Variants in ABCB11 observed in about 807,000 individuals in gnomAD.
ABCB11 encodes ATP binding cassette subfamily B member 11.
ABCB11 carries 95 observed loss-of-function variants against 148.0 expected under a neutral mutation model. The observed-to-expected ratio is 0.64, with a 90% confidence interval of 0.54 to 0.76. The LOEUF (loss-of-function observed/expected upper bound fraction) is 0.76, where lower values mean the gene tolerates loss of function less well. Ranked by LOEUF, ABCB11 falls within the 30% of genes least tolerant of loss-of-function variation. ABCB11 has a pLI of 0.00. For missense variants in ABCB11, 1,523 were observed against 1,617.8 expected (o/e 0.94, Z 1.01); for synonymous variants, 591 against 555.4 (o/e 1.06, Z -0.90).
intron 18 of ABCB11, among the ~76,000 whole-genome samples, chr2:168,962,698 TTCTC>T (rs1164775023): frequency 4.0e-5 from 6 of 151,758 alleles, no homozygotes; most frequent in African/African-American, 9.7e-5. Context: ...GTTTGGTTCT[TTCTC>T]CCCTGAAGCT....
At chr2:168,925,801 G>T (rs1050898043) in intron 26 of ABCB11, among the ~76,000 whole-genome samples, 2 of 151,806 alleles carry the variant, frequency 1.3e-5, no homozygotes, top group South Asian at 4.1e-4. Context: ...AGGGTGCCAC[G>T]GGCAAGTCTG....
At chr2:168,992,121 A>T (rs1339634722) in intron 8 of ABCB11, among the ~76,000 whole-genome samples, 3 of 150,210 alleles carry the variant, frequency 2.0e-5, no homozygotes, top group Non-Finnish European at 4.4e-5. Context: ...AGTTGCTTGT[A>T]TAGTTTGTTG....
intron 11 of ABCB11, among the ~76,000 whole-genome samples, chr2:168,979,474 T>C (rs1259786864): frequency 6.6e-6 from 1 of 152,080 alleles, no homozygotes; most frequent in Non-Finnish European, 1.5e-5. Flanking sequence ...TATTGTCTTA[T>C]CTTTGAATGT....
chr2:168,995,667 A>G (rs1020773423), intron 6 of ABCB11, among the ~76,000 whole-genome samples, 185 bp from the exon 7 acceptor site: 3 of 151,936 alleles, frequency 2.0e-5, no homozygotes, highest in Non-Finnish European at 4.4e-5. Flanking sequence ...GGTAAACAGA[A>G]CCTTCAGCAG....
chr2:168,984,279 G>T, intron 10 of ABCB11, among the ~76,000 whole-genome samples: 1 of 152,006 alleles, frequency 6.6e-6, no homozygotes, highest in East Asian at 1.9e-4. Context: ...CATTTACATG[G>T]TTACTTATTT....
chr2:168,947,150 C>T (rs1303841567), intron 19 of ABCB11, among the ~76,000 whole-genome samples: 3 of 151,698 alleles, frequency 2.0e-5, no homozygotes, highest in Non-Finnish European at 4.4e-5. Context: ...TTGCTATGTG[C>T]CACATGTCAA....
Position 168,979,904 on chromosome 2 carries a change from GT to G in ABCB11, c.1158del (p.Arg387ValfsTer11). On this transcript the variant is annotated frameshift_variant, in exon 11 of 28. Coordinates refer to ENST00000650372, the MANE Select transcript of ABCB11 (RefSeq NM_003742.4). LOFTEE classifies it high-confidence loss of function. ...ASPCLEAFATGRAAATSIFET... is the reference protein window; with the variant it reads ...ASPCLEAFATXRAAATSIFET... Reference sequence around the variant, plus strand: ...TCAAAAATGCTGGTGGCTGCTGCACGTCCAGTTGCAAAGGCTTCCAAACAAG... The same window carrying G: ...TCAAAAATGCTGGTGGCTGCTGCACGCCAGTTGCAAAGGCTTCCAAACAAG... The G allele has an allele frequency of 6.2e-7, 1 of 1,606,828 alleles. No individual in the cohort carries two copies. Among genetic ancestry groups the G allele is most frequent in the Non-Finnish European group, 8.5e-7 (1 of 1,175,384 alleles).
intron 17 of ABCB11, among the ~76,000 whole-genome samples, chr2:168,965,231 G>C (rs1325205032): frequency 1.3e-5 from 2 of 151,756 alleles, no homozygotes; most frequent in Non-Finnish European, 2.9e-5. Context: ...GGGGAGGACA[G>C]GGTTGCTTGC....
chr2:168,998,775 GA>G (rs1446767489), intron 5 of ABCB11, among the ~76,000 whole-genome samples: 4 of 152,104 alleles, frequency 2.6e-5, no homozygotes, highest in Admixed American at 2.0e-4. Flanking sequence ...ATCACTGCTG[GA>G]TGGTGCAGAT....
At chr2:169,030,363 G>C (rs1695831285) in intron 1 of ABCB11, among the ~76,000 whole-genome samples, 1 of 152,040 alleles carries the variant, frequency 6.6e-6, no homozygotes, top group Admixed American at 6.6e-5. Flanking sequence ...CAAGGTGAGG[G>C]GGGTGAGCAG....
At chr2:168,988,090 A>G (rs1361965372) in intron 9 of ABCB11, among the ~76,000 whole-genome samples, 1 of 152,126 alleles carries the variant, frequency 6.6e-6, no homozygotes, top group Non-Finnish European at 1.5e-5. Flanking sequence ...TTAACAACAC[A>G]TTTCTTGACT....
intron 5 of ABCB11, among the ~76,000 whole-genome samples, chr2:168,999,984 T>G (rs1694824034): frequency 6.6e-6 from 1 of 152,064 alleles, no homozygotes; most frequent in African/African-American, 2.4e-5. Context: ...TCATCAACAT[T>G]TAGGGTTATC....
At chr2:168,986,338 T>C (rs1694324537) in intron 9 of ABCB11, 54 bp from the exon 10 acceptor site, 1 of 1,477,510 alleles carries the variant, frequency 6.8e-7, no homozygotes, top group Non-Finnish European at 9.4e-7. Context: ...CAAGTTATAA[T>C]GTTTAAAACA....
At chr2:169,007,799 A>G (rs1175351373) in intron 5 of ABCB11, among the ~76,000 whole-genome samples, 1 of 152,200 alleles carries the variant, frequency 6.6e-6, no homozygotes, top group Non-Finnish European at 1.5e-5. Context: ...CCAAAATTAA[A>G]CACTTCAGTG....
chr2:168,915,978 C>T (rs1287507483), downstream of ABCB11, among the ~76,000 whole-genome samples: 1 of 152,228 alleles, frequency 6.6e-6, no homozygotes, highest in East Asian at 1.9e-4. Flanking sequence ...AGCTGCATCT[C>T]TCCCTGCAGC....
Position 168,986,267 on chromosome 2 carries a change from A to G in ABCB11, c.926T>C (p.Val309Ala), listed in dbSNP as rs1465864990. The G allele has an allele frequency of 6.2e-7, 1 of 1,612,718 alleles. No homozygotes were observed. Among genetic ancestry groups the G allele is most frequent in the Non-Finnish European group, 8.5e-7 (1 of 1,179,496 alleles). Reference protein sequence around the residue: ...REVERYEKNLVFAQRWGIRKG... With the variant: ...REVERYEKNLAFAQRWGIRKG... ...TCTAATTCCCCAACGCTGGGCGAAC[A>G]CAAGATTTTTCTCATACCTGTGAAG... Residue 309 changes from valine (V) to alanine (A), a missense_variant, in exon 10 of 28, where the codon GTG becomes GCG. By Grantham distance (64) the Val-to-Ala change is moderately conservative. Coordinates refer to ENST00000650372, the MANE Select transcript of ABCB11 (RefSeq NM_003742.4).
chr2:168,970,577 A>C, intron 14 of ABCB11: 1 of 354,234 alleles, frequency 2.8e-6, no homozygotes, highest in South Asian at 2.3e-5. Flanking sequence ...CCTGTTAGAC[A>C]ACACAGCAAA....
intron 1 of ABCB11, among the ~76,000 whole-genome samples, chr2:169,019,081 C>T (rs1332272953): frequency 1.3e-5 from 2 of 152,102 alleles, no homozygotes; most frequent in African/African-American, 4.8e-5. Context: ...GGGCCCCATG[C>T]ACTGCTGAGA....
intron 9 of ABCB11, among the ~76,000 whole-genome samples, chr2:168,988,244 C>A (rs1694393588): frequency 6.6e-6 from 1 of 151,904 alleles, no homozygotes; most frequent in Non-Finnish European, 1.5e-5. Context: ...ATTTTGAATC[C>A]TTTGACCAAC....
Sources: gnomAD v4.1 joint callset for allele counts (sites outside exome capture counted in the v4.1 genomes callset) on GRCh38, gnomAD v4.1.1 for gene constraint, MANE v1.5 for transcripts, NCBI Gene and HGNC (gene_info 2026-07-23, HGNC 2026-07-21) for gene names.